Variants in AGAP1 observed in about 807,000 individuals in gnomAD.
The protein encoded by AGAP1 is arf-GAP with GTPase, ANK repeat and PH domain-containing protein 1.
Under a neutral mutation model 105.3 loss-of-function variants are expected in AGAP1, and 29 were observed. The ratio of observed to expected loss-of-function variants is 0.28; its 90% CI spans 0.21 to 0.38. The LOEUF (loss-of-function observed/expected upper bound fraction) is 0.38, where lower values mean the gene tolerates loss of function less well. AGAP1 is among the 10% of genes least tolerant of loss of function. The pLI is 1.00. For missense variants in AGAP1, 998 were observed against 1,165.1 expected (o/e 0.86, Z 2.09); for synonymous variants, 509 against 485.9 (o/e 1.05, Z -0.63).
Position 235,964,134 on chromosome 2 carries a change from G to A in AGAP1, c.1484-4328G>A, listed in dbSNP as rs958649016. On this transcript the variant is annotated intron_variant, in intron 12 of 17. Transcript: ENST00000304032. This position sits in a 1 kb window ranked among gnomAD's most constrained non-coding sequence, Gnocchi z 4.6. ...GAAGGTCCTAACTGTGGGCTCCGTG[G>A]GAGTGTAGAGATGAGAAATGTTAGT... Among the ~76,000 whole-genome samples, 2 of 152,108 alleles carry A rather than the reference G, an allele frequency of 1.3e-5. No homozygotes were observed. Among genetic ancestry groups the A allele is most frequent in the African/African-American group, 4.8e-5 (2 of 41,420 alleles).
rs917980649 is a variant in AGAP1 at position 235,867,576 on chromosome 2, CA to C, written c.1051-15767del. 8.5e-5 allele frequency among the ~76,000 whole-genome samples: 4 copies of C among 47,132 alleles called. No homozygotes were observed. The highest frequency in any genetic ancestry group is 2.8e-4 in the African/African-American group (4 of 14,390). 30.9% of individuals were successfully genotyped at this position (47,132 alleles called of 152,430 possible). On this transcript the variant is annotated intron_variant, in intron 9 of 17. Coordinates refer to ENST00000304032, the MANE Select transcript of AGAP1 (RefSeq NM_001037131.3). The surrounding 1 kb of genome is among the most constrained non-coding windows in gnomAD (Gnocchi z 5.4). ...GTGTGTGTGTGTGTGTGTGTGTGTG[CA>C]AGTGAGGGAGGGTGACCCCCACACC...
Position 235,893,582 on chromosome 2 carries a change from C to G in AGAP1, c.1155+10133C>G, listed in dbSNP as rs148162333. Reference sequence around the variant, plus strand: ...GTCCATCATGAGGGTGCGCCGTGTCCGTCATGCAGATGTGCCTTCATGGCC... The same window carrying G: ...GTCCATCATGAGGGTGCGCCGTGTCGGTCATGCAGATGTGCCTTCATGGCC... On this transcript the variant is annotated intron_variant, in intron 10 of 17. Coordinates refer to ENST00000304032, the MANE Select transcript of AGAP1 (RefSeq NM_001037131.3). The surrounding 1 kb of genome is among the most constrained non-coding windows in gnomAD (Gnocchi z 4.7). Among the ~76,000 whole-genome samples, 1 of 152,098 alleles carries G rather than the reference C, an allele frequency of 6.6e-6. No individual in the cohort carries two copies. The highest frequency in any genetic ancestry group is 1.5e-5 in the Non-Finnish European group (1 of 68,026).
intron 1 of AGAP1, among the ~76,000 whole-genome samples, chr2:235,568,313 G>A (rs1484104401): frequency 6.6e-6 from 1 of 152,236 alleles, no homozygotes; most frequent in Non-Finnish European, 1.5e-5. Context: ...GCTGCTGTTC[G>A]TGGGCTGCCT....
rs2051316131 is a variant in AGAP1 at position 235,906,564 on chromosome 2, C to G, written c.1156-2174C>G. On this transcript the variant is annotated intron_variant, in intron 10 of 17. Transcript: ENST00000304032. This position sits in a 1 kb window ranked among gnomAD's most constrained non-coding sequence, Gnocchi z 5.3. ...GTAAAGAGGTTCTCCTCCCGCCCGT[C>G]CTGCCGTTGAGAATTCCTGCACCCT... Among the ~76,000 whole-genome samples the G allele has an allele frequency of 6.6e-6, 1 of 152,158 alleles. No homozygotes were observed.
In AGAP1 at chr2:235,959,365, C is replaced by A. The variant is rs1345548324; in HGVS notation, c.1484-9097C>A. Among the ~76,000 whole-genome samples, 2 of 152,140 alleles carry A rather than the reference C, an allele frequency of 1.3e-5. No individual in the cohort carries two copies. The highest frequency in any genetic ancestry group is 4.8e-5 in the African/African-American group (2 of 41,438). ...GAGTAGTTGGAATGGAAAAGCACAG[C>A]GTGGAAGCCTAGTGCGTTGTGATTG... On this transcript the variant is annotated intron_variant, in intron 12 of 17. Transcript: ENST00000304032. This position sits in a 1 kb window ranked among gnomAD's most constrained non-coding sequence, Gnocchi z 7.3.
chr2:235,828,296 T>A (rs527992246), intron 9 of AGAP1, among the ~76,000 whole-genome samples: 3 of 152,180 alleles, frequency 2.0e-5, no homozygotes, highest in Non-Finnish European at 4.4e-5. Flanking sequence ...AATTTCTTTT[T>A]TTGGTCACCA....
Position 235,866,789 on chromosome 2 carries a change from C to T in AGAP1, c.1051-16556C>T, listed in dbSNP as rs1418443567. 1.3e-5 allele frequency among the ~76,000 whole-genome samples: 2 copies of T among 152,202 alleles called. No individual in the cohort carries two copies. The highest frequency in any genetic ancestry group is 2.4e-5 in the African/African-American group (1 of 41,452). On this transcript the variant is annotated intron_variant, in intron 9 of 17. Transcript: ENST00000304032. This position sits in a 1 kb window ranked among gnomAD's most constrained non-coding sequence, Gnocchi z 6.1. ...TGGCTTGCAGACAGCCATCTTCTCCCTGTGTCTTCACGTGGTCTTTCTCCG... is the reference window on the plus strand; with the variant it reads ...TGGCTTGCAGACAGCCATCTTCTCCTTGTGTCTTCACGTGGTCTTTCTCCG...
intron 8 of AGAP1, among the ~76,000 whole-genome samples, chr2:235,806,456 T>C (rs988747020): frequency 6.6e-6 from 1 of 152,164 alleles, no homozygotes; most frequent in Non-Finnish European, 1.5e-5. Context: ...TCCTTCAGTT[T>C]TACCCAAGTC....
intron 1 of AGAP1, among the ~76,000 whole-genome samples, chr2:235,604,469 G>A (rs1455517220): frequency 3.7e-5 from 5 of 133,564 alleles, no homozygotes; most frequent in South Asian, 2.5e-4. Flanking sequence ...GCAACAGAGC[G>A]AGACCCTGTA....
chr2:236,079,560 A>G (rs1230902956), intron 16 of AGAP1, among the ~76,000 whole-genome samples: 1 of 151,388 alleles, frequency 6.6e-6, no homozygotes, highest in Non-Finnish European at 1.5e-5. Flanking sequence ...ATATACACAC[A>G]CACACACACA....
At chr2:236,026,456 C>T (rs370110664) in intron 13 of AGAP1, among the ~76,000 whole-genome samples, 8 of 152,178 alleles carry the variant, frequency 5.3e-5, no homozygotes, top group South Asian at 4.1e-4. Context: ...ACGCCGGGCA[C>T]GGTTGCTCAT....
At position 235,967,918 on chromosome 2, in the gene AGAP1, T is replaced by C. The variant is rs961856771; in HGVS notation, c.1484-544T>C. Among the ~76,000 whole-genome samples the C allele has an allele frequency of 2.6e-5, 4 of 152,006 alleles. No individual in the cohort carries two copies. The highest frequency in any genetic ancestry group is 6.6e-5 in the Admixed American group (1 of 15,262). ...TCCAAACACTGTCACTGGACATTGG[T>C]GAGAGAGAGAAAAAAATGGCATAGA... On this transcript the variant is annotated intron_variant, in intron 12 of 17. Coordinates refer to ENST00000304032, the MANE Select transcript of AGAP1 (RefSeq NM_001037131.3). This position sits in a 1 kb window ranked among gnomAD's most constrained non-coding sequence, Gnocchi z 4.7.
At chr2:235,836,301 T>A (rs1201089564) in intron 9 of AGAP1, among the ~76,000 whole-genome samples, 1 of 152,206 alleles carries the variant, frequency 6.6e-6, no homozygotes, top group Non-Finnish European at 1.5e-5. Flanking sequence ...AAAAGCAATA[T>A]TGAGTGAGTA....
Position 236,124,182 on chromosome 2 carries a change from G to T in AGAP1, c.*60G>T, listed in dbSNP as rs373736657. 248 of 1,576,464 alleles carry T rather than the reference G, an allele frequency of 1.6e-4. No individual in the cohort carries two copies. The highest frequency in any genetic ancestry group is 1.8e-4 in the Non-Finnish European group (213 of 1,155,048). ...GACGCGGCAGCCTCGCCGCATTCTCGCTCAGAAGTCGCAGCACGTGAGTCC... is the reference window on the plus strand; with the variant it reads ...GACGCGGCAGCCTCGCCGCATTCTCTCTCAGAAGTCGCAGCACGTGAGTCC... On this transcript the variant is annotated 3_prime_UTR_variant, in exon 18 of 18. Transcript: ENST00000304032. The surrounding 1 kb of genome is among the most constrained non-coding windows in gnomAD (Gnocchi z 5.1).
intron 1 of AGAP1, among the ~76,000 whole-genome samples, chr2:235,687,284 A>G (rs778661817): frequency 6.6e-5 from 10 of 152,180 alleles, no homozygotes; most frequent in Non-Finnish European, 1.3e-4. Flanking sequence ...ATTTCTTTGA[A>G]GTCTAAAGTA....
chr2:236,078,673 A>G lies in AGAP1; in HGVS notation c.2114+29392A>G, dbSNP rs2058706155. On this transcript the variant is annotated intron_variant, in intron 16 of 17. Transcript: ENST00000304032. This position sits in a 1 kb window ranked among gnomAD's most constrained non-coding sequence, Gnocchi z 5.3. ...CATTTCTTGACTCCAGATGGGTTTC[A>G]CACACGTCTGTCCCCTACCTGGCTC... Among the ~76,000 whole-genome samples the G allele has an allele frequency of 5.3e-5, 8 of 152,292 alleles. No individual in the cohort carries two copies. In the South Asian group the frequency reaches 1.7e-3, roughly 32 times the overall value.
In AGAP1 at chr2:235,642,861, T is replaced by A. The variant is rs1425246842; in HGVS notation, c.164-66318T>A. ...AGGCAAATCCCAGGTTGCTGAGTCT[T>A]GGCAGATTTCTCGTGGCCTAGACTG... On this transcript the variant is annotated intron_variant, in intron 1 of 17. Transcript: ENST00000304032. This position sits in a 1 kb window ranked among gnomAD's most constrained non-coding sequence, Gnocchi z 4.1. Among the ~76,000 whole-genome samples the A allele has an allele frequency of 6.6e-6, 1 of 152,246 alleles. No individual in the cohort carries two copies. Among genetic ancestry groups the A allele is most frequent in the Non-Finnish European group, 1.5e-5 (1 of 68,038 alleles).
At chr2:235,495,686 C>G (rs1417846661) in intron 1 of AGAP1, among the ~76,000 whole-genome samples, 1 of 152,228 alleles carries the variant, frequency 6.6e-6, no homozygotes, top group Non-Finnish European at 1.5e-5. Flanking sequence ...GGGCTGTGCC[C>G]TCTGGATTTC....
In AGAP1 at chr2:235,582,900, G is replaced by A. The variant is rs1944980514; in HGVS notation, c.163+88051G>A. 6.6e-6 allele frequency among the ~76,000 whole-genome samples: 1 copy of A among 152,244 alleles called. No individual in the cohort carries two copies. The highest frequency in any genetic ancestry group is 2.4e-5 in the African/African-American group (1 of 41,454). On this transcript the variant is annotated intron_variant, in intron 1 of 17. Coordinates refer to ENST00000304032, the MANE Select transcript of AGAP1 (RefSeq NM_001037131.3). This position sits in a 1 kb window ranked among gnomAD's most constrained non-coding sequence, Gnocchi z 4.7. ...GATTTTGGTGAGCCTTTGATGGAGT[G>A]TGTTCCGGAATCGGGAGGAAGCTTG...
Sources: gnomAD v4.1 joint callset for allele counts (sites outside exome capture counted in the v4.1 genomes callset) on GRCh38, gnomAD v4.1.1 for gene constraint, Gnocchi (gnomAD v3.1) non-coding constraint, MANE v1.5 for transcripts, NCBI Gene and HGNC (gene_info 2026-07-23, HGNC 2026-07-21) for gene names.